The following ARHGAP20 variants were observed in gnomAD, a reference collection of about 807,000 sequenced individuals.
ARHGAP20 encodes rho GTPase-activating protein 20.
Under a neutral mutation model 73.7 loss-of-function variants are expected in ARHGAP20, and 34 were observed. The observed-to-expected ratio is 0.46, with a 90% CI of 0.35 to 0.61. The LOEUF (loss-of-function observed/expected upper bound fraction) is 0.61, where lower values mean the gene tolerates loss of function less well. Ranked by LOEUF, ARHGAP20 falls within the 20% of genes least tolerant of loss-of-function variation. ARHGAP20 has a pLI of 0.00. For missense variants in ARHGAP20, 1,314 were observed against 1,420.9 expected (o/e 0.92, Z 1.21); for synonymous variants, 523 against 518.2 (o/e 1.01, Z -0.13).
At chr11:110,690,929 TATC>T in intron 1 of ARHGAP20, 1 of 1,360,298 alleles carries the variant, frequency 7.4e-7, no homozygotes, top group Non-Finnish European at 1.0e-6. Flanking sequence ...TATTACTGGT[TATC>T]ATGTGTCTGG....
chr11:110,646,811 T>C (rs1480499526), intron 2 of ARHGAP20, among the ~76,000 whole-genome samples: 1 of 152,078 alleles, frequency 6.6e-6, no homozygotes, highest in African/African-American at 2.4e-5. Flanking sequence ...GCCAGTGAAG[T>C]AGCCAGGGCC....
chr11:110,694,650 T>A (rs895071402), intron 1 of ARHGAP20, among the ~76,000 whole-genome samples: 12 of 151,834 alleles, frequency 7.9e-5, no homozygotes, highest in Admixed American at 2.6e-4. Context: ...TCATATATGA[T>A]GCCTCAGTAG....
intron 7 of ARHGAP20, among the ~76,000 whole-genome samples, chr11:110,610,975 G>A (rs528820868): frequency 6.6e-6 from 1 of 152,014 alleles, no homozygotes; most frequent in Admixed American, 6.6e-5. Flanking sequence ...CAGTAGCAAG[G>A]GGAGAAGGAG....
At chr11:110,606,421 T>G in intron 9 of ARHGAP20, 140 bp downstream of exon 9, 1 of 923,814 alleles carries the variant, frequency 1.1e-6, no homozygotes, top group Non-Finnish European at 1.6e-6. Context: ...AAAACCATCT[T>G]CTTCTAAAAG....
Position 110,578,498 on chromosome 11 carries a change from G to A in ARHGAP20, c.*872C>T. The A allele has an allele frequency of 1.0e-6, 1 of 985,430 alleles. No individual in the cohort carries two copies. Among genetic ancestry groups the A allele is most frequent in the Non-Finnish European group, 1.2e-6 (1 of 829,932 alleles). The allele number at this position is 985,430 out of a possible 1,614,324, so 61.0% of individuals were successfully genotyped here. A position where few individuals can be genotyped will look rare whatever the true frequency, so the allele number is the denominator to read the frequency against. ...GCATTTGTGTAATTGAGAAAGGACAGTTGTTGTGGTCTTTTCCTCCATATT... is the reference window on the plus strand; with the variant it reads ...GCATTTGTGTAATTGAGAAAGGACAATTGTTGTGGTCTTTTCCTCCATATT... On this transcript the variant is annotated 3_prime_UTR_variant, in exon 15 of 15. Transcript: ENST00000683387.
chr11:110,684,285 T>A (rs1012053746), intron 2 of ARHGAP20, among the ~76,000 whole-genome samples: 4 of 152,134 alleles, frequency 2.6e-5, no homozygotes, highest in Admixed American at 2.0e-4. Flanking sequence ...TGCTAACAGA[T>A]TGATTTTATT....
At chr11:110,659,093 T>A (rs1949539191) in intron 2 of ARHGAP20, among the ~76,000 whole-genome samples, 1 of 150,316 alleles carries the variant, frequency 6.7e-6, no homozygotes, top group Non-Finnish European at 1.5e-5. Context: ...GATGGCTGGG[T>A]CAAATGGTAT....
At chr11:110,598,137 G>A (rs143878994) in intron 9 of ARHGAP20, among the ~76,000 whole-genome samples, 3,894 of 150,144 alleles carry the variant, frequency 0.026, 60 homozygotes, top group Non-Finnish European at 0.043. Flanking sequence ...ATTCTACTCC[G>A]GCCATGTAAC....
At chr11:110,683,409 G>A (rs1185598213) in intron 2 of ARHGAP20, among the ~76,000 whole-genome samples, 1 of 152,100 alleles carries the variant, frequency 6.6e-6, no homozygotes, top group African/African-American at 2.4e-5. Context: ...AAAGCAAAGT[G>A]TCTTATACAT....
intron 2 of ARHGAP20, among the ~76,000 whole-genome samples, chr11:110,631,992 T>G (rs1049671829): frequency 1.3e-5 from 2 of 152,232 alleles, no homozygotes; most frequent in Non-Finnish European, 2.9e-5. Flanking sequence ...ATCATATTTT[T>G]GGAATTCATT....
intron 14 of ARHGAP20, 130 bp from the exon 15 acceptor site, chr11:110,581,355 C>T (rs915047561): frequency 5.7e-6 from 6 of 1,044,338 alleles, no homozygotes; most frequent in Non-Finnish European, 8.0e-6. Flanking sequence ...GAATCTTTCA[C>T]AATCTCAATT....
chr11:110,630,595 A>G, intron 3 of ARHGAP20, 33 bp downstream of exon 3: 6 of 1,587,864 alleles, frequency 3.8e-6, no homozygotes, highest in African/African-American at 1.4e-5. Flanking sequence ...GTGCAATTTT[A>G]TAATGATAAT....
At chr11:110,652,258 T>C (rs1215071556) in intron 2 of ARHGAP20, among the ~76,000 whole-genome samples, 7 of 152,186 alleles carry the variant, frequency 4.6e-5, no homozygotes, top group Admixed American at 4.6e-4. Context: ...GAGCCATTCA[T>C]GACAAACCCA....
chr11:110,696,881 T>C (rs1950346688), intron 1 of ARHGAP20, among the ~76,000 whole-genome samples: 2 of 151,768 alleles, frequency 1.3e-5, no homozygotes, highest in Non-Finnish European at 3.0e-5. Context: ...GCTCCACCCA[T>C]GTTGCTGCAA....
intron 2 of ARHGAP20, among the ~76,000 whole-genome samples, chr11:110,658,866 C>T (rs1362757050): frequency 1.3e-5 from 2 of 152,154 alleles, no homozygotes; most frequent in African/African-American, 2.4e-5. Context: ...GGAAATTGCC[C>T]TTCAAGTGTT....
intron 1 of ARHGAP20, among the ~76,000 whole-genome samples, chr11:110,700,055 A>G (rs1031165653): frequency 1.3e-5 from 2 of 152,088 alleles, no homozygotes; most frequent in African/African-American, 2.4e-5. Context: ...ACTTCATGAC[A>G]GCCAAGAGAT....
intron 2 of ARHGAP20, among the ~76,000 whole-genome samples, chr11:110,680,774 C>G (rs1208975761): frequency 6.6e-6 from 1 of 152,136 alleles, no homozygotes; most frequent in Non-Finnish European, 1.5e-5. Context: ...AATTAGCACA[C>G]TGCACCACAA....
Position 110,579,412 on chromosome 11 carries a change from C to T in ARHGAP20, c.3534G>A (p.Val1178=). The change falls in exon 15 of 15, where the codon GTG becomes GTA. Residue 1178 remains valine (V), a synonymous_variant. Transcript: ENST00000683387. ...AATACCTGTCCTCAATGTCGCAGACCACTGTAGGCCCTGAGTCTGGGCTGG... is the reference window on the plus strand; with the variant it reads ...AATACCTGTCCTCAATGTCGCAGACTACTGTAGGCCCTGAGTCTGGGCTGG... The part of the protein sequence containing the change: ...DATSPDSGPT[V]VCDIEDRYLT... 2 of 1,609,448 alleles carry T rather than the reference C, an allele frequency of 1.2e-6. No homozygotes were observed. Among genetic ancestry groups the T allele is most frequent in the Non-Finnish European group, 1.7e-6 (2 of 1,176,140 alleles).
At chr11:110,605,572 T>G (rs1277484788) in intron 9 of ARHGAP20, among the ~76,000 whole-genome samples, 2 of 152,230 alleles carry the variant, frequency 1.3e-5, no homozygotes, top group African/African-American at 4.8e-5. Flanking sequence ...TAAGTTTAGA[T>G]AGCTACATAC....
Sources: allele counts gnomAD v4.1 joint callset (sites outside exome capture counted in the v4.1 genomes callset), GRCh38; gene constraint gnomAD v4.1.1; transcripts MANE v1.5; gene names NCBI Gene and HGNC (gene_info 2026-07-23, HGNC 2026-07-21).